CNNM2: variants seen among roughly 807,000 people sequenced by gnomAD.
CNNM2 encodes metal transporter CNNM2.
A neutral mutation model predicts 66.9 loss-of-function variants in CNNM2; 12 were observed. The observed-to-expected ratio is 0.18, with a 90% CI of 0.11 to 0.29. The LOEUF is 0.29. CNNM2 is among the 10% of genes least tolerant of loss of function. The pLI, the probability that CNNM2 is intolerant of heterozygous loss-of-function variation, is 1.00. For missense variants in CNNM2, 705 were observed against 1,167.7 expected (o/e 0.60, Z 5.77); for synonymous variants, 557 against 501.8 (o/e 1.11, Z -1.47).
At position 103,090,134 on chromosome 10, in the gene CNNM2, G is replaced by A; in HGVS notation, c.*12954G>A. The A allele has an allele frequency of 2.3e-6, 1 of 442,272 alleles. No homozygotes were observed. The allele number at this position is 442,272 out of a possible 1,614,324, so 27.4% of individuals were successfully genotyped here. ...TATTGTCTACTGCAGCTGGAAATTG[G>A]AAAAGATGGAGAGGGGAGTTTACTT... On this transcript the variant is annotated 3_prime_UTR_variant, in exon 8 of 8. Coordinates refer to ENST00000369878, the MANE Select transcript of CNNM2 (RefSeq NM_017649.5).
At chr10:103,019,897 G>A (rs1017238677) in intron 1 of CNNM2, among the ~76,000 whole-genome samples, 2 of 152,106 alleles carry the variant, frequency 1.3e-5, no homozygotes. Flanking sequence ...AAAAAAATAT[G>A]TAAGACACAC....
At chr10:102,921,380 C>G (rs567787617) in intron 1 of CNNM2, among the ~76,000 whole-genome samples, 5 of 152,174 alleles carry the variant, frequency 3.3e-5, no homozygotes, top group African/African-American at 9.7e-5. Context: ...ATGTGATGAT[C>G]TGAACATACT....
At chr10:103,060,913 CAT>C (rs1424363507) in intron 4 of CNNM2, among the ~76,000 whole-genome samples, 4 of 152,006 alleles carry the variant, frequency 2.6e-5, no homozygotes, top group South Asian at 2.1e-4. Context: ...TTAGAGAAAA[CAT>C]ATAGAATGTA....
chr10:102,952,604 G>T lies in CNNM2; in HGVS notation c.1621+32503G>T, dbSNP rs1846881211. Among the ~76,000 whole-genome samples, 7 of 146,344 alleles carry T rather than the reference G, an allele frequency of 4.8e-5. No homozygotes were observed. The South Asian group carries it at 1.6e-3, about 33-fold the overall frequency. On this transcript the variant is annotated intron_variant, in intron 1 of 7. Transcript: ENST00000369878. ...CAAACAAAAGTTAAATGATGACATA[G>T]TGAGACCCTGTCTCTACCAAAAAAA...
chr10:103,011,646 C>CTGTGTGTGTGTG lies in CNNM2; in HGVS notation c.1622-38033_1622-38022dup, dbSNP rs10624803. Among the ~76,000 whole-genome samples the CTGTGTGTGTGTG allele has an allele frequency of 3.4e-3, 456 of 136,042 alleles. 1 individual carries two copies. Among genetic ancestry groups the CTGTGTGTGTGTG allele is most frequent in the African/African-American group, 0.011 (389 of 36,098 alleles). 89.2% of individuals were successfully genotyped at this position (136,042 alleles called of 152,430 possible). A position where few individuals can be genotyped will look rare whatever the true frequency, so the allele number is the denominator to read the frequency against. On this transcript the variant is annotated intron_variant, in intron 1 of 7. Transcript: ENST00000369878. ...TTCTTTTGCATAAGTAATACTTGCA[C>CTGTGTGTGTGTG]TGTGTGTGTGTGTGTGTGTGTGTGT...
At chr10:103,035,984 C>T (rs966065459) in intron 1 of CNNM2, among the ~76,000 whole-genome samples, 61 of 152,188 alleles carry the variant, frequency 4.0e-4, no homozygotes, top group African/African-American at 1.4e-3. Flanking sequence ...TTATACGCAT[C>T]AGTCATTAGC....
At chr10:103,029,882 A>G (rs952347197) in intron 1 of CNNM2, among the ~76,000 whole-genome samples, 2 of 150,302 alleles carry the variant, frequency 1.3e-5, no homozygotes, top group African/African-American at 4.9e-5. Flanking sequence ...AAAAAAAATA[A>G]TCTCAGAGGA....
chr10:103,040,799 A>C (rs1225093891), intron 1 of CNNM2, among the ~76,000 whole-genome samples: 1 of 152,094 alleles, frequency 6.6e-6, no homozygotes, highest in Non-Finnish European at 1.5e-5. Flanking sequence ...CTTCCATCTA[A>C]ACGTCTCTGG....
intron 1 of CNNM2, among the ~76,000 whole-genome samples, chr10:102,956,115 G>A (rs1339298912): frequency 6.6e-6 from 1 of 152,016 alleles, no homozygotes; most frequent in East Asian, 1.9e-4. Flanking sequence ...GTGAAACTCC[G>A]TCTCTACTAA....
intron 4 of CNNM2, among the ~76,000 whole-genome samples, chr10:103,061,135 A>C (rs1375871164): frequency 1.3e-5 from 2 of 152,130 alleles, no homozygotes; most frequent in African/African-American, 4.8e-5. Flanking sequence ...GGTGGCTTGC[A>C]CCTGTCCAGC....
chr10:102,948,535 A>T (rs1423790623), intron 1 of CNNM2, among the ~76,000 whole-genome samples: 1 of 152,138 alleles, frequency 6.6e-6, no homozygotes. Context: ...GTGGTACAAG[A>T]TGCTATTGGC....
intron 1 of CNNM2, chr10:102,927,297 T>C (rs761306294): frequency 7.4e-6 from 12 of 1,610,928 alleles, no homozygotes; most frequent in Non-Finnish European, 9.3e-6. Context: ...TAGGATTGAA[T>C]ACAGTTTTTT....
rs1156390610 is a variant in CNNM2, at chr10:103,083,862, T to TA, written c.*6683dup. The TA allele has an allele frequency of 6.6e-6, 1 of 152,202 alleles. No homozygotes were observed. Among genetic ancestry groups the TA allele is most frequent in the African/African-American group, 2.4e-5 (1 of 41,442 alleles). The allele number at this position is 152,202 out of a possible 1,614,324, so 9.4% of individuals were successfully genotyped here. On this transcript the variant is annotated 3_prime_UTR_variant, in exon 8 of 8. Coordinates refer to ENST00000369878, the MANE Select transcript of CNNM2 (RefSeq NM_017649.5). ...GATGGCTTTATAGGTCCTCCTCTGC[T>TA]ATGCTAAGCCTGGGAGGAAGGTCGG...
chr10:102,952,150 A>G (rs1233103795), intron 1 of CNNM2, among the ~76,000 whole-genome samples: 1 of 152,006 alleles, frequency 6.6e-6, no homozygotes, highest in Non-Finnish European at 1.5e-5. Context: ...TATAATGTCC[A>G]GGCTTGTCTT....
chr10:102,980,490 G>A (rs1457727895), intron 1 of CNNM2, among the ~76,000 whole-genome samples: 2 of 152,016 alleles, frequency 1.3e-5, no homozygotes, highest in South Asian at 2.1e-4. Context: ...AGCTGGTCTC[G>A]AACTCCTGGG....
intron 1 of CNNM2, among the ~76,000 whole-genome samples, chr10:102,975,760 T>C (rs2063618889): frequency 6.6e-6 from 1 of 152,190 alleles, no homozygotes; most frequent in Non-Finnish European, 1.5e-5. Context: ...TAAATGACCT[T>C]GTAATATATG....
At chr10:102,990,202 G>A (rs1052121757) in intron 1 of CNNM2, among the ~76,000 whole-genome samples, 1 of 152,114 alleles carries the variant, frequency 6.6e-6, no homozygotes, top group Non-Finnish European at 1.5e-5. Context: ...CTCACCTCAG[G>A]TGATCCGCCT....
chr10:102,928,435 A>T (rs1190564214), intron 1 of CNNM2, among the ~76,000 whole-genome samples: 2 of 152,088 alleles, frequency 1.3e-5, no homozygotes, highest in Non-Finnish European at 2.9e-5. Flanking sequence ...ACAAAAAATT[A>T]GCCAGCTGTG....
intron 4 of CNNM2, among the ~76,000 whole-genome samples, chr10:103,062,564 T>C (rs918589715): frequency 1.3e-5 from 2 of 152,238 alleles, no homozygotes; most frequent in Admixed American, 1.3e-4. Flanking sequence ...AGAACTCTTA[T>C]ATATAACTAT....
Sources: allele counts gnomAD v4.1 joint callset (sites outside exome capture counted in the v4.1 genomes callset), GRCh38; gene constraint gnomAD v4.1.1; transcripts MANE v1.5; gene names NCBI Gene and HGNC (gene_info 2026-07-23, HGNC 2026-07-21).